IQSEC1: variants seen among roughly 807,000 people sequenced by gnomAD.
IQSEC1 encodes the protein IQ motif and SEC7 domain-containing protein 1.
In IQSEC1, 31 loss-of-function variants were observed where a neutral mutation model predicts 91.0. The observed-to-expected ratio is 0.34, with a 90% confidence interval of 0.26 to 0.46. The LOEUF (loss-of-function observed/expected upper bound fraction) is 0.46. IQSEC1 is among the 20% of genes least tolerant of loss of function. The probability of loss-of-function intolerance (pLI) is 1.00; values close to 1 mark genes in which losing one functional copy is unlikely to be tolerated. For missense variants in IQSEC1, 1,388 were observed against 1,575.6 expected (o/e 0.88, Z 2.02); for synonymous variants, 699 against 662.6 (o/e 1.05, Z -0.84).
At chr3:13,261,535 C>G (rs1035739221) in intron 1 of IQSEC1, among the ~76,000 whole-genome samples, 2 of 152,114 alleles carry the variant, frequency 1.3e-5, no homozygotes, top group Non-Finnish European at 2.9e-5. Context: ...CCCCAGACAG[C>G]GAGCAAAGCC....
At chr3:13,080,692 C>A (rs55909091) in intron 2 of IQSEC1, among the ~76,000 whole-genome samples, 1 of 152,088 alleles carries the variant, frequency 6.6e-6, no homozygotes, top group African/African-American at 2.4e-5. Flanking sequence ...TACCCTCCAA[C>A]GGCCACTTCC....
chr3:13,261,009 G>A (rs1028895591), intron 1 of IQSEC1, among the ~76,000 whole-genome samples: 2 of 152,210 alleles, frequency 1.3e-5, no homozygotes, highest in Admixed American at 6.5e-5. Flanking sequence ...TTCCCTGACC[G>A]ACGGCCTCAA....
intron 1 of IQSEC1, among the ~76,000 whole-genome samples, chr3:13,041,369 C>T (rs360733): frequency 0.036 from 5,438 of 152,242 alleles, 163 homozygotes; most frequent in Non-Finnish European, 0.054. Context: ...CTACAGCTGC[C>T]GTGAGACCCT....
At chr3:12,916,165 C>T (rs1386227195) in intron 6 of IQSEC1, among the ~76,000 whole-genome samples, 5 of 152,164 alleles carry the variant, frequency 3.3e-5, no homozygotes, top group Non-Finnish European at 7.3e-5. Context: ...TACTTTCACC[C>T]TTACTAGCTG....
Position 13,177,844 on chromosome 3 carries a change from G to A in IQSEC1, c.273-13711C>T, listed in dbSNP as rs116843542. 3.5e-3 allele frequency among the ~76,000 whole-genome samples: 531 copies of A among 152,294 alleles called. 16 individuals are homozygous for A. The East Asian group carries it at 0.09, about 26-fold the overall frequency. The stretch of plus-strand genomic sequence containing the variant: ...CCACTGGACCTCTCAGCCTGGGAAG[G>A]CAGGGGCCTGCAGGGGCTACACAGC... On this transcript the variant is annotated intron_variant, in intron 1 of 15. Transcript: ENST00000648114.
At chr3:13,016,031 G>A (rs1159031548) in intron 1 of IQSEC1, among the ~76,000 whole-genome samples, 2 of 152,302 alleles carry the variant, frequency 1.3e-5, no homozygotes, top group Non-Finnish European at 2.9e-5. Context: ...ATAAAGTAGT[G>A]TGACAGGGGT....
intron 2 of IQSEC1, among the ~76,000 whole-genome samples, chr3:13,086,878 T>G (rs1163402097): frequency 6.6e-6 from 1 of 152,224 alleles, no homozygotes; most frequent in Admixed American, 6.5e-5. Flanking sequence ...AACATCTGTC[T>G]TCTCTCAAGA....
intron 4 of IQSEC1, among the ~76,000 whole-genome samples, chr3:12,923,546 G>T (rs1403614325): frequency 6.6e-6 from 1 of 152,224 alleles, no homozygotes; most frequent in Non-Finnish European, 1.5e-5. Flanking sequence ...AGCCTCCTGG[G>T]TGTGGGACGG....
intron 2 of IQSEC1, among the ~76,000 whole-genome samples, chr3:13,128,088 T>C (rs185463633): frequency 8.6e-4 from 131 of 152,338 alleles, no homozygotes; most frequent in African/African-American, 2.7e-3. Flanking sequence ...GGATTTTCAT[T>C]GTAGATAATT....
Position 13,236,589 on chromosome 3 carries a change from A to AC in IQSEC1, c.272+46121dup, listed in dbSNP as rs531636661. Among the ~76,000 whole-genome samples, 8 of 151,794 alleles carry AC rather than the reference A, an allele frequency of 5.3e-5. No homozygotes were observed. The East Asian group carries it at 1.5e-3, about 29-fold the overall frequency. ...ATCCTCAGGTGCTTCGGAGTCACAG[A>AC]CCCCCTCTCACTGAGCCAACCATCC... On this transcript the variant is annotated intron_variant, in intron 1 of 15. Coordinates refer to the IQSEC1 transcript ENST00000648114.
chr3:13,170,352 G>C (rs535733648), intron 1 of IQSEC1, among the ~76,000 whole-genome samples: 1 of 152,284 alleles, frequency 6.6e-6, no homozygotes, highest in East Asian at 1.9e-4. Flanking sequence ...GAAGTTTGCT[G>C]TAGGGGCAGG....
chr3:12,973,588 G>A (rs1701012805), intron 1 of IQSEC1, among the ~76,000 whole-genome samples: 4 of 152,094 alleles, frequency 2.6e-5, no homozygotes, highest in Admixed American at 2.6e-4. Context: ...CAACTACAAT[G>A]GTACTTGGGT....
chr3:13,018,959 G>A (rs767783882), intron 1 of IQSEC1, among the ~76,000 whole-genome samples: 13 of 152,236 alleles, frequency 8.5e-5, no homozygotes, highest in African/African-American at 1.2e-4. Context: ...AAGCCCCCAC[G>A]CTGAGACTCA....
At chr3:13,126,489 T>C (rs1706515702) in intron 2 of IQSEC1, among the ~76,000 whole-genome samples, 1 of 152,244 alleles carries the variant, frequency 6.6e-6, no homozygotes. Context: ...TATGTTTGTG[T>C]GCAAGTTTTC....
In IQSEC1 at chr3:12,935,946, CGCT is replaced by C. The variant is rs1472080647; in HGVS notation, c.1067_1069del (p.Gln356del). 1.3e-6 allele frequency: 2 copies of C among 1,598,436 alleles called. No individual in the cohort carries two copies. Among genetic ancestry groups the C allele is most frequent in the East Asian group, 4.5e-5 (2 of 44,838 alleles). Reference sequence around the variant, plus strand: ...CAGCGGCAGATGCTCCACCCGCAGCCGCTGCTCCTGCCGCTCCAGCGACGGCGT... The same window carrying C: ...CAGCGGCAGATGCTCCACCCGCAGCCGCTCCTGCCGCTCCAGCGACGGCGT... On this transcript the variant is annotated inframe_deletion, in exon 3 of 14. Coordinates refer to ENST00000613206, the MANE Select transcript of IQSEC1 (RefSeq NM_001134382.3). The surrounding 1 kb of genome is among the most constrained non-coding windows in gnomAD (Gnocchi z 8.0).
Position 13,214,973 on chromosome 3 carries a change from G to A in IQSEC1, c.273-50840C>T, listed in dbSNP as rs1694516713. ...AAGTAGAATCTTGAGCCCTGTGCCT[G>A]ACCTAGACTAGGCCCTCAGACATGG... is the stretch of plus-strand genomic sequence containing the variant. On this transcript the variant is annotated intron_variant, in intron 1 of 15. Transcript: ENST00000648114. This position sits in a 1 kb window ranked among gnomAD's most constrained non-coding sequence, Gnocchi z 4.5. 6.6e-6 allele frequency among the ~76,000 whole-genome samples: 1 copy of A among 152,198 alleles called. No homozygotes were observed. Among genetic ancestry groups the A allele is most frequent in the Non-Finnish European group, 1.5e-5 (1 of 68,042 alleles).
At chr3:12,932,964 TCCTC>T (rs1697819666) in intron 3 of IQSEC1, among the ~76,000 whole-genome samples, 1 of 152,196 alleles carries the variant, frequency 6.6e-6, no homozygotes, top group South Asian at 2.1e-4. Flanking sequence ...TTTCTGTTCT[TCCTC>T]CCCGCTTGCT....
intron 2 of IQSEC1, among the ~76,000 whole-genome samples, chr3:13,097,297 A>T (rs893121675): frequency 1.3e-5 from 2 of 152,182 alleles, no homozygotes; most frequent in Non-Finnish European, 2.9e-5. Flanking sequence ...AAGAGCTGGG[A>T]TTCGAATCCA....
intron 2 of IQSEC1, among the ~76,000 whole-genome samples, chr3:13,091,381 A>G (rs1705858674): frequency 6.6e-6 from 1 of 152,230 alleles, no homozygotes; most frequent in African/African-American, 2.4e-5. Context: ...CAGATGCTCA[A>G]AAAATATTTG....
Sources: allele counts gnomAD v4.1 joint callset (sites outside exome capture counted in the v4.1 genomes callset), GRCh38; gene constraint gnomAD v4.1.1; non-coding constraint Gnocchi (gnomAD v3.1); transcripts MANE v1.5; gene names NCBI Gene and HGNC (gene_info 2026-07-23, HGNC 2026-07-21).